FANCA: variants seen among roughly 807,000 people sequenced by gnomAD.
FANCA encodes Fanconi anemia group A protein.
FANCA carries 236 observed loss-of-function variants against 194.3 expected under a neutral mutation model. That is an observed-to-expected ratio of 1.21 (90% CI 1.09 to 1.35). The LOEUF is 1.35. Among genes scored for constraint, FANCA ranks in the 40% most tolerant of loss-of-function variants. The pLI is 0.00. For synonymous variants in FANCA, 1,014 were observed against 715.8 expected, an observed-to-expected ratio of 1.42 and a Z score of -6.65; for missense variants, 2,628 against 1,813.9, an observed-to-expected ratio of 1.45 and a Z score of -8.15.
intron 12 of FANCA, 134 bp downstream of exon 12, chr16:89,792,337 G>A (rs576360046): frequency 4.9e-6 from 5 of 1,020,632 alleles, no homozygotes; most frequent in Non-Finnish European, 6.2e-6. Context: ...GCCTTGATGA[G>A]GACAGCCACA....
chr16:89,737,746 T>C lies in FANCA; in HGVS notation c.*855A>G. 6.2e-7 allele frequency: 1 copy of C among 1,607,024 alleles called. No individual in the cohort carries two copies. Among genetic ancestry groups the C allele is most frequent in the Non-Finnish European group, 8.5e-7 (1 of 1,174,520 alleles). On this transcript the variant is annotated 3_prime_UTR_variant, in exon 43 of 43. Transcript: ENST00000389301. ...CTGTGATGGTTTCACATTGTCATCG[T>C]CGTCCCCCCGGGAGGTTGGAGCATC...
Position 89,782,934 on chromosome 16 carries a change from A to T in FANCA, c.1567-16T>A, listed in dbSNP as rs561959913. On this transcript the variant is annotated splice_polypyrimidine_tract_variant and intron_variant, in intron 16 of 42. Coordinates refer to ENST00000389301, the MANE Select transcript of FANCA (RefSeq NM_000135.4). ...CTATAGAAACCTTCAGGGAAGACAC[A>T]GAATGAGAACAAGAAAACAAAGCAG... 1 of 1,613,638 alleles carries T rather than the reference A, an allele frequency of 6.2e-7. No individual in the cohort carries two copies. The highest frequency in any genetic ancestry group is 8.5e-7 in the Non-Finnish European group (1 of 1,179,626).
chr16:89,742,702 C>G (rs995815878), intron 37 of FANCA, 98 bp downstream of exon 37: 20 of 892,312 alleles, frequency 2.2e-5, no homozygotes, highest in East Asian at 3.6e-5. Context: ...ACATATTTGT[C>G]TTTAGAAAAA....
At chr16:89,748,055 G>A (rs377098752) in intron 33 of FANCA, among the ~76,000 whole-genome samples, 1 of 152,220 alleles carries the variant, frequency 6.6e-6, no homozygotes, top group African/African-American at 2.4e-5. Flanking sequence ...GGGAGTACAG[G>A]CGTGCACCAC....
At chr16:89,774,596 G>C (rs2039431978) in intron 21 of FANCA, among the ~76,000 whole-genome samples, 1 of 151,832 alleles carries the variant, frequency 6.6e-6, no homozygotes, top group South Asian at 2.1e-4. Flanking sequence ...CGGGTGTGGT[G>C]GCGGGCGCCT....
chr16:89,775,500 G>A (rs1278791525), intron 21 of FANCA, among the ~76,000 whole-genome samples: 3 of 152,236 alleles, frequency 2.0e-5, no homozygotes, highest in Non-Finnish European at 2.9e-5. Context: ...AAGTGGGGCT[G>A]TGCACTGCAC....
At position 89,778,982 on chromosome 16, in the gene FANCA, G is replaced by A. The variant is rs529199293; in HGVS notation, c.1737C>T (p.Tyr579=). Residue 579 remains tyrosine (Y), a synonymous_variant, in exon 19 of 43, where the codon TAC becomes TAT. Transcript: ENST00000389301. ...MEASIFRRPY[Y]VSHFLPALLT... ...GCAGGGCGGGGAGGAAGTGGGACACGTAGTAAGGCCTCCTGAATATGCTGC... is the reference window on the plus strand; with the variant it reads ...GCAGGGCGGGGAGGAAGTGGGACACATAGTAAGGCCTCCTGAATATGCTGC... 130 of 1,613,890 alleles carry A rather than the reference G, an allele frequency of 8.1e-5. 1 individual carries two copies. The South Asian group carries it at 1.2e-3, about 15-fold the overall frequency.
intron 5 of FANCA, among the ~76,000 whole-genome samples, chr16:89,810,150 G>A (rs1040290602): frequency 6.6e-5 from 10 of 151,692 alleles, no homozygotes; most frequent in African/African-American, 2.4e-4. Flanking sequence ...GTGAAACCCC[G>A]TCTCTGCTAA....
intron 33 of FANCA, among the ~76,000 whole-genome samples, chr16:89,747,591 C>G (rs1203632047): frequency 6.6e-6 from 1 of 152,006 alleles, no homozygotes; most frequent in Non-Finnish European, 1.5e-5. Context: ...CCCAGCTACT[C>G]AGGAGGCTGA....
intron 17 of FANCA, 37 bp downstream of exon 17, chr16:89,782,822 G>T: frequency 3.8e-6 from 6 of 1,579,594 alleles, no homozygotes; most frequent in East Asian, 2.2e-5. Flanking sequence ...TGGTGGGCGT[G>T]ACTGGCTGAG....
intron 14 of FANCA, 145 bp from the exon 15 acceptor site, chr16:89,785,109 G>A: frequency 2.8e-6 from 2 of 715,144 alleles, no homozygotes; most frequent in Non-Finnish European, 5.1e-6. Flanking sequence ...GTGGAGAGAA[G>A]AGTGTGAAGC....
At chr16:89,745,523 C>T (rs986340241) in intron 35 of FANCA, among the ~76,000 whole-genome samples, 1 of 133,010 alleles carries the variant, frequency 7.5e-6, no homozygotes, top group African/African-American at 3.3e-5. Flanking sequence ...AGGGACCACA[C>T]TGCCCTGAGC....
intron 29 of FANCA, among the ~76,000 whole-genome samples, chr16:89,761,698 C>A (rs1005281272): frequency 1.3e-5 from 2 of 152,108 alleles, no homozygotes; most frequent in Non-Finnish European, 2.9e-5. Flanking sequence ...GATCTCAGCT[C>A]GCTGCAGCCT....
Position 89,740,025 on chromosome 16 carries a change from G to C in FANCA, c.3903C>G (p.Ser1301=), listed in dbSNP as rs2062088614. The part of the protein sequence containing the change: ...ILECLEKRKI[S]WLALFQLTES... The stretch of plus-strand genomic sequence containing the variant: ...CTGTCAACTGAAAGAGTGCCAGCCA[G>C]GATATCTTCCTCTTCTCTAAACACT... Residue 1301 remains serine, a synonymous_variant, in exon 39 of 43, where the codon TCC becomes TCG. Coordinates refer to ENST00000389301, the MANE Select transcript of FANCA (RefSeq NM_000135.4). The C allele has an allele frequency of 1.2e-6, 2 of 1,614,178 alleles. No homozygotes were observed. The highest frequency in any genetic ancestry group is 1.7e-6 in the Non-Finnish European group (2 of 1,180,018).
intron 30 of FANCA, 24 bp from the exon 31 acceptor site, chr16:89,752,246 C>G (rs775068951): frequency 1.3e-6 from 2 of 1,593,904 alleles, no homozygotes; most frequent in African/African-American, 1.3e-5. Context: ...ACAATAAAAT[C>G]CTCCTCAGTA....
intron 27 of FANCA, among the ~76,000 whole-genome samples, chr16:89,766,063 C>T (rs1325345504): frequency 6.6e-6 from 1 of 150,902 alleles, no homozygotes; most frequent in Non-Finnish European, 1.5e-5. Flanking sequence ...GTGGTGCAGT[C>T]TCGGCTCACT....
At chr16:89,743,300 CCTA>C (rs2062177974) in intron 36 of FANCA, among the ~76,000 whole-genome samples, 4 of 152,236 alleles carry the variant, frequency 2.6e-5, no homozygotes, top group Admixed American at 2.0e-4. Flanking sequence ...GGCATTCCCT[CCTA>C]CAACAGAGAA....
intron 34 of FANCA, 24 bp from the exon 35 acceptor site, chr16:89,746,712 G>C (rs752161468): frequency 6.8e-6 from 11 of 1,611,172 alleles, no homozygotes; most frequent in Non-Finnish European, 8.5e-6. Flanking sequence ...CGCAGCAGGA[G>C]GTCAGCGGTT....
At chr16:89,758,931 C>G (rs986683197) in intron 29 of FANCA, among the ~76,000 whole-genome samples, 1 of 152,088 alleles carries the variant, frequency 6.6e-6, no homozygotes, top group Non-Finnish European at 1.5e-5. Context: ...TGTGACCCCA[C>G]CTTCCACGGA....
Sources: allele counts gnomAD v4.1 joint callset (sites outside exome capture counted in the v4.1 genomes callset), GRCh38; gene constraint gnomAD v4.1.1; transcripts MANE v1.5; gene names NCBI Gene and HGNC (gene_info 2026-07-23, HGNC 2026-07-21).